Variants in CCDC102B observed in about 807,000 individuals in gnomAD.
The protein encoded by CCDC102B is coiled-coil domain-containing protein 102B.
In CCDC102B, 75 loss-of-function variants were observed where a neutral mutation model predicts 57.4. The ratio of observed to expected loss-of-function variants is 1.31; its 90% confidence interval spans 1.08 to 1.58. The LOEUF (loss-of-function observed/expected upper bound fraction) is 1.58. Among genes scored for constraint, CCDC102B ranks in the 40% most tolerant of loss-of-function variants. CCDC102B has a pLI of 0.00. For synonymous variants in CCDC102B, 206 were observed against 201.9 expected (o/e 1.02, Z -0.17); for missense variants, 636 against 582.6 (o/e 1.09, Z -0.94).
At chr18:68,986,566 C>G (rs894407027) in intron 6 of CCDC102B, among the ~76,000 whole-genome samples, 1 of 152,004 alleles carries the variant, frequency 6.6e-6, no homozygotes, top group African/African-American at 2.4e-5. Flanking sequence ...GAACCATTCC[C>G]CTTGAGAACT....
intron 6 of CCDC102B, among the ~76,000 whole-genome samples, chr18:68,909,157 G>A (rs1253360433): frequency 3.2e-5 from 4 of 124,958 alleles, no homozygotes; most frequent in Non-Finnish European, 6.6e-5. Context: ...CAGAAAAAAA[G>A]GAAAACAAGA....
chr18:68,789,083 T>G (rs1005031984), intron 2 of CCDC102B, among the ~76,000 whole-genome samples: 2 of 152,176 alleles, frequency 1.3e-5, no homozygotes, highest in Non-Finnish European at 2.9e-5. Flanking sequence ...TCTCCTTCGC[T>G]TATGAAGCTT....
At chr18:69,037,509 A>G (rs2052326873) in intron 7 of CCDC102B, among the ~76,000 whole-genome samples, 1 of 152,044 alleles carries the variant, frequency 6.6e-6, no homozygotes, top group African/African-American at 2.4e-5. Flanking sequence ...GACAAGCAGC[A>G]TCAGTATCAC....
At chr18:68,911,954 G>A (rs2089125660) in intron 6 of CCDC102B, among the ~76,000 whole-genome samples, 1 of 151,750 alleles carries the variant, frequency 6.6e-6, no homozygotes, top group Non-Finnish European at 1.5e-5. Context: ...TTAGTAATAT[G>A]AATTTAACCA....
chr18:68,861,252 G>A (rs577744441), intron 4 of CCDC102B, among the ~76,000 whole-genome samples: 17 of 151,606 alleles, frequency 1.1e-4, no homozygotes, highest in Non-Finnish European at 1.8e-4. Context: ...GACGACTACC[G>A]TGCTTATTTT....
intron 6 of CCDC102B, among the ~76,000 whole-genome samples, chr18:68,912,509 G>A (rs751000317): frequency 1.4e-4 from 21 of 152,200 alleles, no homozygotes; most frequent in Admixed American, 1.2e-3. Context: ...GTTTTAACAA[G>A]TCACAAGTTG....
chr18:68,788,419 G>C (rs1487166873), intron 2 of CCDC102B, among the ~76,000 whole-genome samples: 3 of 149,770 alleles, frequency 2.0e-5, no homozygotes, highest in African/African-American at 4.9e-5. Flanking sequence ...GTCTAATGTT[G>C]ACAGTGGGGT....
chr18:68,866,890 C>A (rs2039009551), intron 4 of CCDC102B: 3 of 638,830 alleles, frequency 4.7e-6, no homozygotes, highest in South Asian at 4.4e-5. Context: ...TCTTCCCTCT[C>A]ATGTATCACA....
chr18:68,974,585 T>A (rs1038715759), intron 6 of CCDC102B, among the ~76,000 whole-genome samples: 1 of 152,018 alleles, frequency 6.6e-6, no homozygotes, highest in South Asian at 2.1e-4. Flanking sequence ...CTTAATCATA[T>A]AATGACTGAT....
intron 7 of CCDC102B, among the ~76,000 whole-genome samples, chr18:69,037,436 A>C (rs1249482917): frequency 6.6e-6 from 1 of 152,056 alleles, no homozygotes; most frequent in Admixed American, 6.6e-5. Flanking sequence ...AAAGTGTCTA[A>C]TGAAAACGAC....
intron 7 of CCDC102B, among the ~76,000 whole-genome samples, chr18:69,041,017 G>C (rs1327129685): frequency 6.6e-6 from 1 of 152,056 alleles, no homozygotes; most frequent in Non-Finnish European, 1.5e-5. Context: ...AAAAAGGAGA[G>C]AAGTAGGCTA....
chr18:68,887,623 A>C (rs2039936349), intron 5 of CCDC102B, among the ~76,000 whole-genome samples: 1 of 152,218 alleles, frequency 6.6e-6, no homozygotes, highest in Non-Finnish European at 1.5e-5. Flanking sequence ...CACACTTGCT[A>C]AATATTTTTC....
chr18:68,837,255 A>T lies in CCDC102B; in HGVS notation c.492A>T (p.Val164=). Residue 164 remains valine (V), a synonymous_variant, in exon 2 of 8, where the codon GTA becomes GTT. Transcript: ENST00000360242. ...VTQDLKLPGF[V]EESCEHTDQF... ...AGGATCTGAAGCTTCCTGGCTTCGT[A>T]GAAGAATCCTGTGAACATACAGACC... 1 of 1,614,208 alleles carries T rather than the reference A, an allele frequency of 6.2e-7. No individual in the cohort carries two copies.
At chr18:68,756,080 C>T (rs1431113461) in intron 2 of CCDC102B, among the ~76,000 whole-genome samples, 2 of 151,430 alleles carry the variant, frequency 1.3e-5, no homozygotes, top group Non-Finnish European at 3.0e-5. Flanking sequence ...AATTATTAAA[C>T]ATTTTTTTAA....
intron 5 of CCDC102B, among the ~76,000 whole-genome samples, chr18:68,876,948 T>G (rs1242394943): frequency 6.6e-6 from 1 of 152,212 alleles, no homozygotes; most frequent in Non-Finnish European, 1.5e-5. Flanking sequence ...AGAAATCTGA[T>G]AAATAGAAAG....
intron 6 of CCDC102B, among the ~76,000 whole-genome samples, chr18:68,977,888 C>T (rs2050480988): frequency 6.6e-6 from 1 of 151,908 alleles, no homozygotes; most frequent in African/African-American, 2.4e-5. Flanking sequence ...GCTAGATCAG[C>T]CCATATGGAG....
Position 68,802,011 on chromosome 18 carries a change from A to T in CCDC102B, c.-16+3830A>T, listed in dbSNP as rs150020185. 4.1e-3 allele frequency among the ~76,000 whole-genome samples: 621 copies of T among 152,312 alleles called. 9 individuals are homozygous for T. The highest frequency in any genetic ancestry group is 0.014 in the African/African-American group (579 of 41,572). On this transcript the variant is annotated intron_variant, in intron 1 of 7. Coordinates refer to ENST00000360242, the MANE Select transcript of CCDC102B (RefSeq NM_024781.3). ...GGATGAGAAGAAAATGTATTTCACA[A>T]TAAAACATGAAAATTATAAGGTGCT...
At chr18:69,043,980 G>A (rs1668372350) in intron 7 of CCDC102B, among the ~76,000 whole-genome samples, 1 of 152,086 alleles carries the variant, frequency 6.6e-6, no homozygotes, top group South Asian at 2.1e-4. Flanking sequence ...CTGGTAAGGG[G>A]TCCAAGAAAG....
chr18:68,845,431 C>G (rs2144814612), intron 3 of CCDC102B, among the ~76,000 whole-genome samples: 1 of 151,854 alleles, frequency 6.6e-6, no homozygotes, highest in East Asian at 1.9e-4. Flanking sequence ...GGAGCTCAAA[C>G]ATATAAGTTG....
Sources: allele counts gnomAD v4.1 joint callset (sites outside exome capture counted in the v4.1 genomes callset), GRCh38; gene constraint gnomAD v4.1.1; transcripts MANE v1.5; gene names NCBI Gene and HGNC (gene_info 2026-07-23, HGNC 2026-07-21).